Variants in AFF1 observed in about 807,000 individuals in gnomAD.
AFF1 encodes the protein ALF transcription elongation factor 1, also known as AF4/FMR2 family member 1.
Under a neutral mutation model 121.7 loss-of-function variants are expected in AFF1, and 48 were observed. The observed-to-expected ratio is 0.39, with a 90% CI of 0.31 to 0.50. AFF1 has a LOEUF of 0.50. AFF1 is among the 20% of genes least tolerant of loss of function. AFF1 has a pLI of 0.76. For synonymous variants in AFF1, 613 were observed against 563.0 expected (o/e 1.09, Z -1.26); for missense variants, 1,523 against 1,511.7 (o/e 1.01, Z -0.12).
chr4:87,018,010 GTTC>G (rs2149551482), intron 2 of AFF1, among the ~76,000 whole-genome samples: 1 of 151,596 alleles, frequency 6.6e-6, no homozygotes, highest in East Asian at 1.9e-4. Flanking sequence ...CCTTTCAAGT[GTTC>G]TTTCAACTTG....
chr4:86,997,304 C>T lies in AFF1; in HGVS notation c.38+48733C>T, dbSNP rs116889244. ...TGTCACTTTGGGACTCTAGAGTCCC[C>T]ACCAGCAAGAAGGCTTTCACCAGGT... On this transcript the variant is annotated intron_variant, in intron 2 of 20. Transcript: ENST00000395146. Among the ~76,000 whole-genome samples, 117 of 152,280 alleles carry T rather than the reference C, an allele frequency of 7.7e-4. 2 individuals are homozygous for T. The East Asian group carries it at 0.021, about 28-fold the overall frequency.
At chr4:87,089,196 T>C (rs2149712374) in intron 5 of AFF1, among the ~76,000 whole-genome samples, 1 of 152,324 alleles carries the variant, frequency 6.6e-6, no homozygotes, top group South Asian at 2.1e-4. Context: ...CAATGCCATT[T>C]TGGCCTTTTA....
intron 2 of AFF1, among the ~76,000 whole-genome samples, chr4:86,984,073 A>G (rs1003504039): frequency 9.9e-5 from 15 of 152,168 alleles, no homozygotes; most frequent in African/African-American, 3.4e-4. Flanking sequence ...TGCTTTGCCA[A>G]TGTATCTAGT....
At chr4:87,060,413 C>G (rs1248395667) in intron 4 of AFF1, among the ~76,000 whole-genome samples, 1 of 151,940 alleles carries the variant, frequency 6.6e-6, no homozygotes, top group Non-Finnish European at 1.5e-5. Flanking sequence ...TGCTGTTAAT[C>G]TAGAAAAGGA....
chr4:86,995,999 C>G (rs922269745), intron 2 of AFF1, among the ~76,000 whole-genome samples: 1 of 150,922 alleles, frequency 6.6e-6, no homozygotes, highest in Non-Finnish European at 1.5e-5. Context: ...CGCCCGGCAG[C>G]CGCCCCGTCT....
chr4:87,007,124 C>G (rs1282798971), intron 2 of AFF1: 4 of 1,269,080 alleles, frequency 3.2e-6, no homozygotes, highest in Non-Finnish European at 3.0e-6. Flanking sequence ...TCGCTTGCCC[C>G]GGATTCGGAC....
intron 1 of AFF1, among the ~76,000 whole-genome samples, chr4:86,947,954 A>G (rs1295421600): frequency 6.6e-6 from 1 of 151,924 alleles, no homozygotes; most frequent in African/African-American, 2.4e-5. Context: ...TCTCTTGCAT[A>G]GTTGACACTC....
At chr4:87,106,338 G>C (rs1273111296) in intron 10 of AFF1, among the ~76,000 whole-genome samples, 1 of 152,300 alleles carries the variant, frequency 6.6e-6, no homozygotes, top group African/African-American at 2.4e-5. Context: ...AGCTGAAATC[G>C]TGCCACTGCA....
Position 87,047,225 on chromosome 4 carries a change from G to A in AFF1, c.690G>A (p.Arg230=), listed in dbSNP as rs772200206. 1.2e-6 allele frequency: 2 copies of A among 1,614,084 alleles called. No individual in the cohort carries two copies. The highest frequency in any genetic ancestry group is 1.7e-6 in the Non-Finnish European group (2 of 1,180,014). Residue 230 remains arginine (R), a synonymous_variant, in exon 4 of 21, where the codon CGG becomes CGA. Transcript: ENST00000395146. ...PIHSNQQTLP[R]TQGSSKVHGS... is the part of the protein sequence containing the mutation. ...ATTCCAACCAGCAAACTCTTCCCCG[G>A]ACGCAAGGAAGCAGCAAGGTTCATG...
intron 2 of AFF1, 137 bp downstream of exon 2, chr4:86,948,708 TTTCTC>T: frequency 1.2e-6 from 1 of 803,646 alleles, no homozygotes; most frequent in Non-Finnish European, 1.9e-6. Flanking sequence ...AATTTTCAGT[TTTCTC>T]TACATGAAGT....
chr4:87,126,418 A>G, intron 14 of AFF1, 82 bp downstream of exon 14: 1 of 1,339,278 alleles, frequency 7.5e-7, no homozygotes, highest in East Asian at 2.3e-5. Context: ...GTTGCTAGTG[A>G]TGGCACTTCA....
At chr4:87,085,101 T>C (rs985519519) in intron 5 of AFF1, among the ~76,000 whole-genome samples, 1 of 152,256 alleles carries the variant, frequency 6.6e-6, no homozygotes, top group African/African-American at 2.4e-5. Flanking sequence ...CATTTGTGCT[T>C]CCACAAATAT....
chr4:87,032,054 C>G (rs1729133468), intron 2 of AFF1, among the ~76,000 whole-genome samples: 1 of 152,138 alleles, frequency 6.6e-6, no homozygotes, highest in African/African-American at 2.4e-5. Flanking sequence ...AAATCCAGCC[C>G]AAAGAATCCT....
intron 2 of AFF1, among the ~76,000 whole-genome samples, chr4:87,034,228 C>T (rs1345390926): frequency 6.6e-6 from 1 of 152,130 alleles, no homozygotes; most frequent in Non-Finnish European, 1.5e-5. Context: ...CTGCTCCAGG[C>T]ATGAAAAGGC....
chr4:87,015,376 A>G (rs939860017), intron 2 of AFF1, among the ~76,000 whole-genome samples: 1 of 152,242 alleles, frequency 6.6e-6, no homozygotes, highest in African/African-American at 2.4e-5. Context: ...GCAAAAGGAT[A>G]AAATGAAACC....
intron 4 of AFF1, among the ~76,000 whole-genome samples, chr4:87,061,152 T>C (rs1204052746): frequency 6.6e-6 from 1 of 152,190 alleles, no homozygotes; most frequent in African/African-American, 2.4e-5. Context: ...AACTACACTG[T>C]GGTTTGTTTT....
rs900486957 is a variant in AFF1 at position 87,019,925 on chromosome 4, G to T, written c.39-26241G>T. On this transcript the variant is annotated intron_variant, in intron 2 of 20. Coordinates refer to ENST00000395146, the MANE Select transcript of AFF1 (RefSeq NM_001166693.3). ...TGGGGACTGAGCCCTCAACCTGTGG[G>T]ATCTGACTCCATCTCCAGGTAGTTG... is the stretch of plus-strand genomic sequence containing the variant. Among the ~76,000 whole-genome samples the T allele has an allele frequency of 7.9e-5, 12 of 152,076 alleles. No individual in the cohort carries two copies. In the East Asian group the frequency reaches 2.3e-3, roughly 29 times the overall value.
chr4:86,951,741 C>G (rs1404482725), intron 2 of AFF1, among the ~76,000 whole-genome samples: 27 of 150,500 alleles, frequency 1.8e-4, no homozygotes, highest in African/African-American at 6.4e-4. Context: ...CCTGCCTCAG[C>G]CTCCTGAGTA....
chr4:86,983,126 C>T (rs965333352), intron 2 of AFF1, among the ~76,000 whole-genome samples: 1 of 152,088 alleles, frequency 6.6e-6, no homozygotes. Context: ...ACAGTGGGCT[C>T]AAGCTTGTAA....
Sources: gnomAD v4.1 joint callset for allele counts (sites outside exome capture counted in the v4.1 genomes callset) on GRCh38, gnomAD v4.1.1 for gene constraint, MANE v1.5 for transcripts, NCBI Gene and HGNC (gene_info 2026-07-23, HGNC 2026-07-21) for gene names.